Variants in KIAA1217 observed in about 807,000 individuals in gnomAD.
KIAA1217 encodes the protein sickle tail protein homolog.
Under a neutral mutation model 163.9 loss-of-function variants are expected in KIAA1217, and 88 were observed. The observed-to-expected ratio is 0.54, with a 90% CI of 0.45 to 0.64. The LOEUF is 0.64. Among genes scored for constraint, KIAA1217 ranks in the 30% least tolerant of loss-of-function variants. The pLI is 0.00. For missense variants in KIAA1217, 2,372 were observed against 2,475.0 expected, an observed-to-expected ratio of 0.96 and a Z score of 0.88; for synonymous variants, 903 against 923.1, an observed-to-expected ratio of 0.98 and a Z score of 0.39.
At chr10:24,018,489 C>T (rs1047316578) in intron 2 of KIAA1217, among the ~76,000 whole-genome samples, 1 of 151,904 alleles carries the variant, frequency 6.6e-6, no homozygotes, top group African/African-American at 2.4e-5. Context: ...AGCACACCAA[C>T]ATGGCACATG....
At chr10:23,834,565 G>T (rs1367529625) in intron 1 of KIAA1217, among the ~76,000 whole-genome samples, 1 of 151,986 alleles carries the variant, frequency 6.6e-6, no homozygotes, top group African/African-American at 2.4e-5. Context: ...GTACTATGGA[G>T]AAAAAAGAAA....
chr10:24,188,012 A>G (rs1469841857), intron 2 of KIAA1217, among the ~76,000 whole-genome samples: 1 of 152,100 alleles, frequency 6.6e-6, no homozygotes, highest in Non-Finnish European at 1.5e-5. Context: ...AGCTTGGCCA[A>G]TATGGCAAAA....
At chr10:24,055,364 T>C (rs1322328099) in intron 2 of KIAA1217, among the ~76,000 whole-genome samples, 1 of 152,232 alleles carries the variant, frequency 6.6e-6, no homozygotes, top group African/African-American at 2.4e-5. Context: ...TATTAGACTA[T>C]GTTTAACTAA....
intron 1 of KIAA1217, among the ~76,000 whole-genome samples, chr10:23,927,739 G>A (rs372978711): frequency 1.3e-4 from 20 of 152,180 alleles, no homozygotes; most frequent in African/African-American, 4.3e-4. Context: ...CCTGGTTTCC[G>A]TGTTGGGGGT....
At chr10:24,484,241 A>ATATATATATTTTTTTTTTTTT (rs1376083298) in intron 6 of KIAA1217, among the ~76,000 whole-genome samples, 6 of 75,156 alleles carry the variant, frequency 8.0e-5, no homozygotes, top group Admixed American at 1.8e-4. Flanking sequence ...ATATATATAT[A>ATATATATATTTTTTTTTTTTT]TTTTTTTTTT....
intron 1 of KIAA1217, among the ~76,000 whole-genome samples, chr10:23,931,066 A>G (rs1350658760): frequency 1.3e-5 from 2 of 152,198 alleles, no homozygotes; most frequent in Non-Finnish European, 2.9e-5. Flanking sequence ...ATAATTTTCT[A>G]TAGTTCCTAC....
chr10:24,213,129 G>A (rs2068366314), intron 1 of KIAA1217, among the ~76,000 whole-genome samples: 1 of 152,152 alleles, frequency 6.6e-6, no homozygotes, highest in Non-Finnish European at 1.5e-5. Flanking sequence ...AGCTTCCATG[G>A]CTGAATAGCC....
intron 1 of KIAA1217, among the ~76,000 whole-genome samples, chr10:23,757,761 A>T (rs1182211020): frequency 6.6e-6 from 1 of 151,982 alleles, no homozygotes; most frequent in Non-Finnish European, 1.5e-5. Flanking sequence ...CAGGTAATGC[A>T]CCTTCCTCGG....
At chr10:24,152,004 T>A (rs914932515) in intron 2 of KIAA1217, among the ~76,000 whole-genome samples, 1 of 152,040 alleles carries the variant, frequency 6.6e-6, no homozygotes, top group Non-Finnish European at 1.5e-5. Context: ...TTAACCAGAG[T>A]AGTTAAGTTT....
intron 1 of KIAA1217, among the ~76,000 whole-genome samples, chr10:23,907,372 A>T (rs1240418433): frequency 6.6e-6 from 1 of 151,870 alleles, no homozygotes; most frequent in Non-Finnish European, 1.5e-5. Context: ...AGGGAGAGAA[A>T]CAGCAAGAGA....
intron 2 of KIAA1217, among the ~76,000 whole-genome samples, chr10:24,281,101 T>G (rs2077871329): frequency 1.3e-5 from 2 of 152,250 alleles, no homozygotes; most frequent in Non-Finnish European, 2.9e-5. Context: ...GTTTTCATTT[T>G]AGAACAGTTT....
intron 1 of KIAA1217, among the ~76,000 whole-genome samples, chr10:23,771,748 T>C (rs1834805238): frequency 6.6e-6 from 1 of 152,206 alleles, no homozygotes; most frequent in African/African-American, 2.4e-5. Flanking sequence ...GGGTCAGTCT[T>C]GGAAGTGGCA....
chr10:23,934,815 C>T (rs1198495121), intron 1 of KIAA1217, among the ~76,000 whole-genome samples: 1 of 150,986 alleles, frequency 6.6e-6, no homozygotes, highest in Non-Finnish European at 1.5e-5. Flanking sequence ...GACGGAGTCT[C>T]ACCATGTTAG....
chr10:24,341,216 T>C (rs2047057890), intron 2 of KIAA1217, among the ~76,000 whole-genome samples: 1 of 152,238 alleles, frequency 6.6e-6, no homozygotes, highest in Non-Finnish European at 1.5e-5. Context: ...TGAACTCTTC[T>C]TATTTTCTTT....
chr10:23,934,845 C>T (rs1843456566), intron 1 of KIAA1217, among the ~76,000 whole-genome samples: 1 of 151,406 alleles, frequency 6.6e-6, no homozygotes, highest in Non-Finnish European at 1.5e-5. Flanking sequence ...TCTCGATCTC[C>T]TGACCTCGTG....
intron 2 of KIAA1217, among the ~76,000 whole-genome samples, chr10:24,306,937 G>A (rs375455674): frequency 3.3e-5 from 5 of 152,102 alleles, no homozygotes; most frequent in East Asian, 1.9e-4. Flanking sequence ...TCATTCACAC[G>A]GCAAGAAATG....
At chr10:24,245,280 G>A (rs541481656) in intron 2 of KIAA1217, among the ~76,000 whole-genome samples, 9 of 152,170 alleles carry the variant, frequency 5.9e-5, no homozygotes, top group Non-Finnish European at 1.0e-4. Flanking sequence ...TGCTGGTCCC[G>A]TCGAAGTGAC....
At chr10:23,946,098 A>G (rs888455953) in intron 1 of KIAA1217, among the ~76,000 whole-genome samples, 7 of 152,140 alleles carry the variant, frequency 4.6e-5, no homozygotes, top group African/African-American at 1.7e-4. Flanking sequence ...CAGAAACCAC[A>G]ATTACTTTTT....
chr10:24,516,801 C>T (rs7914255), intron 10 of KIAA1217, among the ~76,000 whole-genome samples: 42,615 of 152,026 alleles, frequency 0.28, 6,135 homozygotes, highest in Middle Eastern at 0.4. Flanking sequence ...AAATGCAAAA[C>T]GTCCTATGGT....
Sources: allele counts gnomAD v4.1 joint callset (sites outside exome capture counted in the v4.1 genomes callset), GRCh38; gene constraint gnomAD v4.1.1; transcripts MANE v1.5; gene names NCBI Gene and HGNC (gene_info 2026-07-23, HGNC 2026-07-21).